Variants in S100Z observed in about 807,000 individuals in gnomAD.
S100Z encodes protein S100-Z.
Under a neutral mutation model 8.5 loss-of-function variants are expected in S100Z, and 11 were observed. That is an observed-to-expected ratio of 1.30 (90% CI 0.82 to 2.15). The LOEUF is 2.15. Among genes scored for constraint, S100Z ranks in the 30% most tolerant of loss-of-function variants. The pLI is 0.00. For missense variants in S100Z, 126 were observed against 117.9 expected (o/e 1.07, Z -0.32); for synonymous variants, 34 against 43.8 (o/e 0.78, Z 0.89).
intron 4 of S100Z, among the ~76,000 whole-genome samples, chr5:76,911,824 A>G (rs542624223): frequency 2.0e-5 from 3 of 152,284 alleles, no homozygotes; most frequent in African/African-American, 4.8e-5. Context: ...TACAGCCTAT[A>G]CTGGCTTATC....
chr5:76,882,416 A>G (rs1298581850), intron 4 of S100Z, among the ~76,000 whole-genome samples: 1 of 152,140 alleles, frequency 6.6e-6, no homozygotes, highest in Non-Finnish European at 1.5e-5. Flanking sequence ...AGGGAGAGCT[A>G]GTGTGGGGGC....
intron 3 of S100Z, among the ~76,000 whole-genome samples, chr5:76,875,775 T>C (rs752882904): frequency 2.0e-5 from 3 of 152,306 alleles, no homozygotes; most frequent in Admixed American, 6.5e-5. Context: ...GCGGCAAAGA[T>C]GTAGCTAATT....
intron 4 of S100Z, among the ~76,000 whole-genome samples, chr5:76,913,831 G>A (rs1005827264): frequency 6.6e-6 from 1 of 152,162 alleles, no homozygotes; most frequent in Non-Finnish European, 1.5e-5. Context: ...GGGATAGTAC[G>A]AGATGCTGCC....
chr5:76,873,667 A>G (rs1202502407), intron 2 of S100Z, among the ~76,000 whole-genome samples: 1 of 152,166 alleles, frequency 6.6e-6, no homozygotes, highest in Non-Finnish European at 1.5e-5. Flanking sequence ...GGGAGGTTGC[A>G]GTGGAGTAGC....
At chr5:76,923,106 A>C (rs938925343), downstream of S100Z, among the ~76,000 whole-genome samples, 1 of 152,170 alleles carries the variant, frequency 6.6e-6, no homozygotes, top group African/African-American at 2.4e-5. Context: ...ATGCAGTTCA[A>C]AATGAAATTT....
intron 4 of S100Z, among the ~76,000 whole-genome samples, chr5:76,898,246 G>A (rs1744107339): frequency 6.6e-6 from 1 of 152,040 alleles, no homozygotes; most frequent in African/African-American, 2.4e-5. Flanking sequence ...CACCTCCCGG[G>A]TTCAAGTGAT....
intron 4 of S100Z, among the ~76,000 whole-genome samples, chr5:76,906,421 C>T (rs1459663549): frequency 6.6e-6 from 1 of 152,130 alleles, no homozygotes; most frequent in African/African-American, 2.4e-5. Flanking sequence ...TGACCAACAT[C>T]ACTCCATTTC....
In S100Z at chr5:76,852,294, T is replaced by A. The variant is rs1407027008; in HGVS notation, c.-176+2139T>A. ...ATGTAATAAAAAAAATTAGTCAAGA[T>A]ATTTTTTTTTTCTTAGTCTCAATTT... On this transcript the variant is annotated intron_variant, in intron 1 of 4. Coordinates refer to ENST00000317593, the MANE Select transcript of S100Z (RefSeq NM_130772.4). Among the ~76,000 whole-genome samples, 8 of 152,144 alleles carry A rather than the reference T, an allele frequency of 5.3e-5. 1 individual carries two copies. Among genetic ancestry groups the A allele is most frequent in the Non-Finnish European group, 1.2e-4 (8 of 68,018 alleles).
chr5:76,867,247 C>G (rs1742787215), intron 1 of S100Z, among the ~76,000 whole-genome samples: 1 of 152,142 alleles, frequency 6.6e-6, no homozygotes, highest in African/African-American at 2.4e-5. Context: ...TGAGGTCCGT[C>G]CCTCCCACTG....
chr5:76,896,827 A>G (rs1447043881), intron 4 of S100Z, among the ~76,000 whole-genome samples: 1 of 152,088 alleles, frequency 6.6e-6, no homozygotes, highest in African/African-American at 2.4e-5. Context: ...TGTCATTTGT[A>G]TGTCTTCTTT....
intron 1 of S100Z, among the ~76,000 whole-genome samples, chr5:76,860,615 G>A (rs1326540785): frequency 6.6e-6 from 1 of 152,170 alleles, no homozygotes. Flanking sequence ...CTGATGCTGA[G>A]GAGGGACAGG....
chr5:76,880,505 G>A (rs1743368971), intron 4 of S100Z, among the ~76,000 whole-genome samples: 1 of 152,172 alleles, frequency 6.6e-6, no homozygotes. Flanking sequence ...TAAGCTGAAG[G>A]AAGATTTTGT....
intron 1 of S100Z, among the ~76,000 whole-genome samples, chr5:76,853,887 G>A (rs1403478564): frequency 6.6e-6 from 1 of 152,034 alleles, no homozygotes; most frequent in African/African-American, 2.4e-5. Context: ...TCTCATGAAT[G>A]GGTTAGCACC....
intron 1 of S100Z, among the ~76,000 whole-genome samples, chr5:76,867,291 A>G (rs1404445946): frequency 6.6e-6 from 1 of 152,184 alleles, no homozygotes; most frequent in Non-Finnish European, 1.5e-5. Flanking sequence ...AAAATGATAG[A>G]ACATTTGAAT....
At chr5:76,905,913 C>T (rs534983788) in intron 4 of S100Z, among the ~76,000 whole-genome samples, 17 of 152,120 alleles carry the variant, frequency 1.1e-4, no homozygotes, top group East Asian at 1.9e-4. Context: ...ACTGCAGCTG[C>T]GACTTTCTGG....
chr5:76,899,581 C>T (rs550318785), intron 4 of S100Z, among the ~76,000 whole-genome samples: 1 of 152,128 alleles, frequency 6.6e-6, no homozygotes, highest in African/African-American at 2.4e-5. Flanking sequence ...ATTATTTTAA[C>T]CTGATAACAA....
chr5:76,859,544 G>A (rs904715924), intron 1 of S100Z, among the ~76,000 whole-genome samples: 16 of 152,052 alleles, frequency 1.1e-4, no homozygotes, highest in African/African-American at 3.6e-4. Context: ...ACTTTGGGAG[G>A]CTGAGGTGGG....
downstream of S100Z, among the ~76,000 whole-genome samples, chr5:76,925,356 C>G (rs1745121515): frequency 6.6e-6 from 1 of 152,162 alleles, no homozygotes; most frequent in African/African-American, 2.4e-5. Context: ...CTCACTACCA[C>G]TGCAGTAACC....
chr5:76,950,320 G>T, the S100Z span, among the ~76,000 whole-genome samples: 7 of 152,198 alleles, frequency 4.6e-5, no homozygotes, highest in Admixed American at 1.3e-4. Flanking sequence ...GACTGTGAAA[G>T]CCAAGTGCAG....
Sources: gnomAD v4.1 joint callset for allele counts (sites outside exome capture counted in the v4.1 genomes callset) on GRCh38, gnomAD v4.1.1 for gene constraint, MANE v1.5 for transcripts, NCBI Gene and HGNC (gene_info 2026-07-23, HGNC 2026-07-21) for gene names.